The following ADGB variants were observed in gnomAD, a reference collection of about 807,000 sequenced individuals.
The protein encoded by ADGB is androglobin.
In ADGB, 172 loss-of-function variants were observed where a neutral mutation model predicts 210.5. The observed-to-expected ratio is 0.82, with a 90% CI of 0.72 to 0.93. ADGB has a LOEUF of 0.93. Among genes scored for constraint, ADGB ranks in the 40% least tolerant of loss-of-function variants. The pLI, the probability that ADGB is intolerant of heterozygous loss-of-function variation, is 0.00. For missense variants in ADGB, 2,025 were observed against 1,964.8 expected (o/e 1.03, Z -0.58); for synonymous variants, 658 against 662.7 (o/e 0.99, Z 0.11).
At chr6:146,801,501 A>T (rs1025994353) in intron 34 of ADGB, among the ~76,000 whole-genome samples, 2 of 152,218 alleles carry the variant, frequency 1.3e-5, no homozygotes, top group Non-Finnish European at 2.9e-5. Context: ...GTTTGAAAAC[A>T]TCATCAAAAT....
rs535675776 is a variant in ADGB at position 146,699,557 on chromosome 6, C to T, written c.1578-1384C>T. ...TGGATCTTCTCTCAATCCACCGACT[C>T]GCACGCCAATCACCTCTGGAAGCAC... is the stretch of plus-strand genomic sequence containing the variant. On this transcript the variant is annotated intron_variant, in intron 12 of 35. Coordinates refer to ENST00000397944, the MANE Select transcript of ADGB (RefSeq NM_024694.4). Among the ~76,000 whole-genome samples, 16 of 152,186 alleles carry T rather than the reference C, an allele frequency of 1.1e-4. No homozygotes were observed. The East Asian group carries it at 1.5e-3, about 15-fold the overall frequency.
At chr6:146,763,459 T>C (rs1396122716) in intron 27 of ADGB, among the ~76,000 whole-genome samples, 1 of 152,190 alleles carries the variant, frequency 6.6e-6, no homozygotes, top group Admixed American at 6.5e-5. Context: ...ATAAAAATTC[T>C]TCACCACATT....
At chr6:146,790,885 T>C (rs927426229) in intron 33 of ADGB, among the ~76,000 whole-genome samples, 12 of 152,226 alleles carry the variant, frequency 7.9e-5, no homozygotes, top group Non-Finnish European at 1.5e-4. Flanking sequence ...ATAGCCAATG[T>C]AACAGGTATG....
intron 35 of ADGB, among the ~76,000 whole-genome samples, chr6:146,804,051 G>A (rs937815235): frequency 6.6e-6 from 1 of 152,150 alleles, no homozygotes; most frequent in Non-Finnish European, 1.5e-5. Context: ...TCAACTTTTT[G>A]CATCCAGATT....
intron 1 of ADGB, among the ~76,000 whole-genome samples, chr6:146,632,507 G>T (rs1414752830): frequency 6.6e-6 from 1 of 152,124 alleles, no homozygotes; most frequent in Non-Finnish European, 1.5e-5. Context: ...GGACTAAGAT[G>T]TGTATGTATT....
At chr6:146,749,007 G>T (rs938698227) in intron 26 of ADGB, among the ~76,000 whole-genome samples, 18 of 152,206 alleles carry the variant, frequency 1.2e-4, no homozygotes, top group African/African-American at 3.6e-4. Flanking sequence ...AAGCACTGGG[G>T]GTTAGAACTC....
chr6:146,703,522 A>T (rs1375097821), intron 13 of ADGB, among the ~76,000 whole-genome samples: 1 of 151,788 alleles, frequency 6.6e-6, no homozygotes, highest in African/African-American at 2.4e-5. Context: ...AATCACCCAC[A>T]TCTAGCCCCT....
chr6:146,673,779 G>A lies in ADGB; in HGVS notation c.1087+1312G>A, dbSNP rs889010560. On this transcript the variant is annotated intron_variant, in intron 8 of 35. Transcript: ENST00000397944. ...ATGATTTTGAATATATTGAAATTGA[G>A]GTGCCTTTAAGACAACCAAGTGGGT... 2.1e-4 allele frequency among the ~76,000 whole-genome samples: 32 copies of A among 152,232 alleles called. No individual in the cohort carries two copies. In the East Asian group the frequency reaches 2.3e-3, roughly 11 times the overall value.
At position 146,634,589 on chromosome 6, in the gene ADGB, T is replaced by C. The variant is rs941858657; in HGVS notation, c.75-786T>C. Among the ~76,000 whole-genome samples the C allele has an allele frequency of 5.3e-5, 8 of 152,094 alleles. No homozygotes were observed. In the South Asian group the frequency reaches 6.2e-4, roughly 12 times the overall value. On this transcript the variant is annotated intron_variant, in intron 1 of 35. Transcript: ENST00000397944. ...CATTCAAGGTTTAGCAATATGGGAATTGTAATACACATATATTTAAAGTAG... is the reference window on the plus strand; with the variant it reads ...CATTCAAGGTTTAGCAATATGGGAACTGTAATACACATATATTTAAAGTAG...
chr6:146,679,781 A>G (rs1287373365), intron 9 of ADGB, among the ~76,000 whole-genome samples: 1 of 152,210 alleles, frequency 6.6e-6, no homozygotes, highest in Non-Finnish European at 1.5e-5. Context: ...AATGTAGCTT[A>G]AAAAGAAACC....
chr6:146,684,703 A>G (rs1776198880), intron 9 of ADGB, among the ~76,000 whole-genome samples: 1 of 152,092 alleles, frequency 6.6e-6, no homozygotes, highest in South Asian at 2.1e-4. Context: ...CAAATTATTA[A>G]CCAAGCCTCT....
chr6:146,629,362 T>A (rs1194605431), intron 1 of ADGB, among the ~76,000 whole-genome samples: 1 of 152,156 alleles, frequency 6.6e-6, no homozygotes, highest in Non-Finnish European at 1.5e-5. Flanking sequence ...ATTGTGTGTA[T>A]AACACTGTAG....
intron 29 of ADGB, among the ~76,000 whole-genome samples, chr6:146,771,570 C>T (rs1259693659): frequency 6.6e-6 from 1 of 152,118 alleles, no homozygotes; most frequent in Non-Finnish European, 1.5e-5. Flanking sequence ...TGGCCCCTGG[C>T]CCCCACCATT....
At chr6:146,800,154 A>G (rs1473051027) in intron 33 of ADGB, among the ~76,000 whole-genome samples, 1 of 152,104 alleles carries the variant, frequency 6.6e-6, no homozygotes, top group Non-Finnish European at 1.5e-5. Context: ...TTTTAAATGA[A>G]CCAAGCAGGG....
chr6:146,785,252 G>C (rs1455908202), intron 31 of ADGB, among the ~76,000 whole-genome samples: 1 of 152,060 alleles, frequency 6.6e-6, no homozygotes, highest in Non-Finnish European at 1.5e-5. Context: ...CCTATTTCCT[G>C]TAAGAGCGAT....
At chr6:146,600,745 AT>A (rs1780542770) in intron 1 of ADGB, among the ~76,000 whole-genome samples, 1 of 151,292 alleles carries the variant, frequency 6.6e-6, no homozygotes, top group African/African-American at 2.4e-5. Context: ...TGTCTTCCCA[AT>A]AGGGAAGGCA....
intron 13 of ADGB, among the ~76,000 whole-genome samples, chr6:146,707,136 G>A (rs1776585386): frequency 6.6e-6 from 1 of 151,908 alleles, no homozygotes; most frequent in African/African-American, 2.4e-5. Flanking sequence ...CCATGTATTT[G>A]TGAATTTTCT....
At chr6:146,702,439 GACCTTGAACA>G (rs1235058064) in intron 13 of ADGB, among the ~76,000 whole-genome samples, 3 of 151,866 alleles carry the variant, frequency 2.0e-5, no homozygotes, top group Non-Finnish European at 3.0e-5. Context: ...CCTTGGCAAT[GACCTTGAACA>G]GTAGGATGCT....
intron 3 of ADGB, among the ~76,000 whole-genome samples, chr6:146,652,746 T>G (rs78043087): frequency 0.097 from 14,707 of 152,176 alleles, 1,983 homozygotes; most frequent in African/African-American, 0.3. Context: ...AAAAAAAATT[T>G]TAACACTAAC....
Sources: allele counts gnomAD v4.1 joint callset (sites outside exome capture counted in the v4.1 genomes callset), GRCh38; gene constraint gnomAD v4.1.1; transcripts MANE v1.5; gene names NCBI Gene and HGNC (gene_info 2026-07-23, HGNC 2026-07-21).